DPP6: variants seen among roughly 807,000 people sequenced by gnomAD.
DPP6 encodes A-type potassium channel modulatory protein DPP6.
A neutral mutation model predicts 122.6 loss-of-function variants in DPP6; 69 were observed. That is an observed-to-expected ratio of 0.56 (90% CI 0.46 to 0.69). DPP6 has a LOEUF of 0.69. DPP6 is among the 30% of genes least tolerant of loss of function. The pLI is 0.00. For synonymous variants in DPP6, 418 were observed against 433.1 expected (o/e 0.97, Z 0.43); for missense variants, 928 against 1,116.9 (o/e 0.83, Z 2.41).
the DPP6 span, among the ~76,000 whole-genome samples, chr7:153,871,828 G>C: frequency 7.2e-5 from 11 of 152,160 alleles, no homozygotes; most frequent in Admixed American, 5.2e-4. Context: ...ACAGTTTAGA[G>C]AGTCATTATT....
chr7:154,202,113 G>T (rs1349657747), intron 1 of DPP6, among the ~76,000 whole-genome samples: 2 of 152,136 alleles, frequency 1.3e-5, no homozygotes, highest in African/African-American at 4.8e-5. Context: ...GATGGAGTTT[G>T]GAAGTGATAA....
At chr7:153,988,689 G>C (rs1426504021) in intron 1 of DPP6, among the ~76,000 whole-genome samples, 1 of 152,206 alleles carries the variant, frequency 6.6e-6, no homozygotes, top group Non-Finnish European at 1.5e-5. Context: ...ATGGCACGTC[G>C]GGGTGGGCAG....
chr7:153,834,448 A>G, the DPP6 span, among the ~76,000 whole-genome samples: 1 of 152,050 alleles, frequency 6.6e-6, no homozygotes, highest in Non-Finnish European at 1.5e-5. Context: ...AAATTTCCTG[A>G]GTCTCAGTTC....
chr7:154,264,986 G>GTGAGAATGGTGT, intron 1 of DPP6, among the ~76,000 whole-genome samples: 1 of 149,834 alleles, frequency 6.7e-6, no homozygotes, highest in Non-Finnish European at 1.5e-5. Flanking sequence ...GATGATGATG[G>GTGAGAATGGTGT]TGATAATGGT....
intron 1 of DPP6, among the ~76,000 whole-genome samples, chr7:154,166,290 G>A (rs2170831): frequency 2.6e-4 from 40 of 152,272 alleles, no homozygotes; most frequent in African/African-American, 4.3e-4. Context: ...GAGCTGTGAC[G>A]TTCTTGGGGA....
intron 7 of DPP6, among the ~76,000 whole-genome samples, chr7:154,718,561 A>C (rs1206134998): frequency 2.0e-5 from 3 of 148,544 alleles, no homozygotes; most frequent in Non-Finnish European, 4.5e-5. Flanking sequence ...ACCCCCCCCA[A>C]CTTTAGTCAC....
At chr7:153,996,852 G>A (rs1486677901) in intron 1 of DPP6, among the ~76,000 whole-genome samples, 1 of 152,120 alleles carries the variant, frequency 6.6e-6, no homozygotes, top group African/African-American at 2.4e-5. Context: ...CCAAAAAATG[G>A]TTGTTCTAAA....
chr7:154,890,824 C>T (rs1157290236), intron 25 of DPP6: 2 of 152,182 alleles, frequency 1.3e-5, no homozygotes, highest in East Asian at 3.9e-4. Flanking sequence ...GTTTTAATGA[C>T]ATATCATAGC....
intron 7 of DPP6, among the ~76,000 whole-genome samples, chr7:154,714,411 C>G (rs983625598): frequency 6.6e-6 from 1 of 152,130 alleles, no homozygotes; most frequent in Non-Finnish European, 1.5e-5. Context: ...GAAGAAATAC[C>G]TGAGACTGGG....
chr7:153,834,803 C>T, the DPP6 span, among the ~76,000 whole-genome samples: 2 of 151,672 alleles, frequency 1.3e-5, no homozygotes, highest in Non-Finnish European at 2.9e-5. Context: ...AGAGAAACAA[C>T]GTGGCAAATG....
At chr7:154,741,566 A>C (rs891722676) in intron 8 of DPP6, among the ~76,000 whole-genome samples, 1 of 152,234 alleles carries the variant, frequency 6.6e-6, no homozygotes, top group Non-Finnish European at 1.5e-5. Context: ...TATTTTATTT[A>C]AAAGGCCAGC....
At chr7:154,740,921 C>T (rs1842790126) in intron 8 of DPP6, among the ~76,000 whole-genome samples, 1 of 152,196 alleles carries the variant, frequency 6.6e-6, no homozygotes, top group South Asian at 2.1e-4. Flanking sequence ...CTTTACTCCC[C>T]ATTTTTTTCT....
chr7:153,783,783 G>A, the DPP6 span, among the ~76,000 whole-genome samples: 399 of 152,244 alleles, frequency 2.6e-3, no homozygotes, highest in African/African-American at 9.1e-3. Context: ...TAATTTCACT[G>A]CCAACTGCAC....
chr7:154,214,826 G>A (rs1430960257), intron 1 of DPP6, among the ~76,000 whole-genome samples: 1 of 152,182 alleles, frequency 6.6e-6, no homozygotes, highest in Non-Finnish European at 1.5e-5. Context: ...GCTCAGGTGG[G>A]AGGATGGCTT....
chr7:154,225,455 G>A (rs10276702), intron 1 of DPP6, among the ~76,000 whole-genome samples: 32,395 of 151,744 alleles, frequency 0.21, 6,284 homozygotes, highest in African/African-American at 0.52. Context: ...CTCCAATTAC[G>A]TGTTATCCAG....
At chr7:154,717,888 C>G (rs1361500351) in intron 7 of DPP6, among the ~76,000 whole-genome samples, 1 of 152,198 alleles carries the variant, frequency 6.6e-6, no homozygotes, top group African/African-American at 2.4e-5. Context: ...AAGGCCCCCC[C>G]TTATCCATAT....
intron 17 of DPP6, 114 bp downstream of exon 17, chr7:154,853,941 A>G (rs928544487): frequency 1.4e-6 from 2 of 1,401,938 alleles, no homozygotes; most frequent in South Asian, 2.5e-5. Flanking sequence ...GGGATGAGTC[A>G]TGTCCTAGCA....
chr7:154,426,805 C>A (rs1817951428), intron 1 of DPP6, among the ~76,000 whole-genome samples: 1 of 123,928 alleles, frequency 8.1e-6, no homozygotes, highest in African/African-American at 4.1e-5. Context: ...TGGTACTCTG[C>A]CTTAAAAAAA....
chr7:153,827,247 A>G, the DPP6 span, among the ~76,000 whole-genome samples: 2 of 152,232 alleles, frequency 1.3e-5, no homozygotes. Flanking sequence ...TCAGAAGAAT[A>G]TATAACAGTG....
Sources: allele counts gnomAD v4.1 joint callset (sites outside exome capture counted in the v4.1 genomes callset), GRCh38; gene constraint gnomAD v4.1.1; transcripts MANE v1.5; gene names NCBI Gene and HGNC (gene_info 2026-07-23, HGNC 2026-07-21).